PRKDC: variants seen among roughly 807,000 people sequenced by gnomAD.
PRKDC encodes DNA-dependent protein kinase catalytic subunit.
In PRKDC, 82 loss-of-function variants were observed where a neutral mutation model predicts 486.9. That is an observed-to-expected ratio of 0.17 (90% CI 0.14 to 0.20). The LOEUF (loss-of-function observed/expected upper bound fraction) is 0.20. Among genes scored for constraint, PRKDC ranks in the 10% least tolerant of loss-of-function variants. PRKDC has a pLI of 1.00. For missense variants in PRKDC, 4,504 were observed against 5,038.2 expected, an observed-to-expected ratio of 0.89 and a Z score of 3.21; for synonymous variants, 1,895 against 1,837.0, an observed-to-expected ratio of 1.03 and a Z score of -0.81.
At chr8:47,887,409 G>T in intron 35 of PRKDC, 138 bp downstream of exon 35, 1 of 659,628 alleles carries the variant, frequency 1.5e-6, no homozygotes, top group Non-Finnish European at 2.2e-6. Flanking sequence ...CTTTTAGAAA[G>T]TTGGCTCATG....
In PRKDC at chr8:47,778,634, C is replaced by T. The variant is rs917274245; in HGVS notation, c.11678G>A (p.Ser3893Asn). 4 of 1,613,582 alleles carry T rather than the reference C, an allele frequency of 2.5e-6. No individual in the cohort carries two copies. In the Admixed American group the frequency reaches 6.7e-5, roughly 27 times the overall value. Reference protein sequence around the residue: ...LKRAFVRMSTSPEAFLALRSH... With the variant: ...LKRAFVRMSTNPEAFLALRSH... ...GCGGAGCGCCAGGAAAGCCTCAGGGCTTGTACTCATCCTCACGAAGGCCCG... is the reference window on the plus strand; with the variant it reads ...GCGGAGCGCCAGGAAAGCCTCAGGGTTTGTACTCATCCTCACGAAGGCCCG... Residue 3893 changes from serine (S) to asparagine (N), a missense_variant, in exon 83 of 86, where the codon AGC becomes AAC. Physicochemically the swap from Ser to Asn is conservative, Grantham distance 46. This residue lies in a region of PRKDC where 706 missense variants were observed against 945.0 expected (regional missense o/e 0.75). Transcript: ENST00000314191.
At chr8:47,944,066 T>C (rs1447124940) in intron 7 of PRKDC, 37 bp from the exon 8 acceptor site, 1 of 1,493,862 alleles carries the variant, frequency 6.7e-7, no homozygotes, top group Non-Finnish European at 9.1e-7. Context: ...CAAATCGTAA[T>C]AACAGTATCA....
chr8:47,933,827 ATTT>A, intron 15 of PRKDC, 135 bp downstream of exon 15: 1 of 936,654 alleles, frequency 1.1e-6, no homozygotes, highest in Non-Finnish European at 1.5e-6. Flanking sequence ...TACGGTTTTA[ATTT>A]TTTATTTTTG....
At chr8:47,912,323 A>T in intron 25 of PRKDC, 87 bp downstream of exon 25, 1 of 1,359,718 alleles carries the variant, frequency 7.4e-7, no homozygotes, top group Non-Finnish European at 9.7e-7. Flanking sequence ...AACCATCTCC[A>T]GGTAATTCCA....
Position 47,957,160 on chromosome 8 carries a change from T to C in PRKDC, c.324+11A>G. ...TATATAATGTAATAAGGTATGTTTT[T>C]TAATTCTTACCTTAATTTCAACAGA... On this transcript the variant is annotated intron_variant, in intron 3 of 85. Transcript: ENST00000314191. 1 of 1,524,934 alleles carries C rather than the reference T, an allele frequency of 6.6e-7. No homozygotes were observed. Among genetic ancestry groups the C allele is most frequent in the Non-Finnish European group, 9.0e-7 (1 of 1,106,970 alleles). 94.5% of individuals were successfully genotyped at this position (1,524,934 alleles called of 1,614,324 possible).
intron 62 of PRKDC, 44 bp from the exon 63 acceptor site, chr8:47,826,905 T>TG (rs2087751296): frequency 6.6e-7 from 1 of 1,506,704 alleles, no homozygotes; most frequent in African/African-American, 1.4e-5. Context: ...TTGTGGTACT[T>TG]GGACCATGTC....
chr8:47,894,748 A>G (rs1333903953), intron 30 of PRKDC, among the ~76,000 whole-genome samples: 1 of 152,190 alleles, frequency 6.6e-6, no homozygotes, highest in Non-Finnish European at 1.5e-5. Flanking sequence ...CAGTGAGCTA[A>G]AGAGACACCT....
rs2090282561 is a variant in PRKDC, at chr8:47,932,996, TTAC to T, written c.1776+21_1776+23del. The T allele has an allele frequency of 3.2e-6, 5 of 1,553,622 alleles. No individual in the cohort carries two copies. In the South Asian group the frequency reaches 3.7e-5, roughly 12 times the overall value. ...CAGCTGATACAAAAATGATGAAAAA[TTAC>T]TACTGATAAAAATTTCTAACCTCTT... On this transcript the variant is annotated intron_variant, in intron 16 of 85. Transcript: ENST00000314191.
intron 67 of PRKDC, 64 bp from the exon 68 acceptor site, chr8:47,817,625 C>A: frequency 9.6e-7 from 1 of 1,038,908 alleles, no homozygotes; most frequent in Non-Finnish European, 1.4e-6. Context: ...TGACAAAGGT[C>A]ATTATCAGTA....
intron 40 of PRKDC, among the ~76,000 whole-genome samples, chr8:47,865,704 G>A (rs1199383723): frequency 6.6e-6 from 1 of 151,860 alleles, no homozygotes; most frequent in East Asian, 1.9e-4. Flanking sequence ...AAGACTATAG[G>A]ACACTACTAG....
At chr8:47,956,719 T>C (rs1394614311) in intron 3 of PRKDC, among the ~76,000 whole-genome samples, 2 of 150,578 alleles carry the variant, frequency 1.3e-5, no homozygotes, top group Admixed American at 6.6e-5. Context: ...TAAAAACAAA[T>C]AAACAATAAA....
chr8:47,824,663 T>C (rs10504062), intron 63 of PRKDC, among the ~76,000 whole-genome samples: 2,931 of 152,270 alleles, frequency 0.019, 98 homozygotes, highest in African/African-American at 0.067. Context: ...TGATGCCATG[T>C]TTAATCCATG....
chr8:47,943,251 C>T lies in PRKDC; in HGVS notation c.924G>A (p.Leu308=), dbSNP rs770392874. The T allele has an allele frequency of 5.6e-6, 9 of 1,612,870 alleles. No homozygotes were observed. The Admixed American group carries it at 1.3e-4, about 24-fold the overall frequency. ...CCAGGGCTGAAAGTGCAGCTTTTTT[C>T]AATTCTACATTTGTGTGGGCACACC... is the stretch of plus-strand genomic sequence containing the variant. The part of the protein sequence containing the change: ...LKWCAHTNVE[L]KKAALSALES... Residue 308 remains leucine, a synonymous_variant, in exon 10 of 86, where the codon TTG becomes TTA. Transcript: ENST00000314191.
chr8:47,815,393 C>G (rs2087422303), intron 68 of PRKDC, among the ~76,000 whole-genome samples: 2 of 152,178 alleles, frequency 1.3e-5, no homozygotes, highest in South Asian at 4.2e-4. Flanking sequence ...AAACACCTAC[C>G]CCTACCTCAC....
At chr8:47,854,531 G>A (rs1356473873) in intron 50 of PRKDC, among the ~76,000 whole-genome samples, 1 of 152,052 alleles carries the variant, frequency 6.6e-6, no homozygotes. Context: ...TAGTAGAGAC[G>A]GGGTTTCACT....
chr8:47,877,923 C>T (rs2089124056), intron 39 of PRKDC, 72 bp from the exon 40 acceptor site: 2 of 1,134,072 alleles, frequency 1.8e-6, no homozygotes, highest in Middle Eastern at 3.2e-4. Flanking sequence ...AAATTATATA[C>T]TAAAAATATA....
intron 7 of PRKDC, among the ~76,000 whole-genome samples, chr8:47,945,859 T>C (rs1362332361): frequency 3.3e-5 from 5 of 152,082 alleles, no homozygotes; most frequent in Non-Finnish European, 5.9e-5. Context: ...GTAGCTGGGA[T>C]TACAGGCGCC....
intron 76 of PRKDC, among the ~76,000 whole-genome samples, chr8:47,787,148 A>G (rs2086805126): frequency 6.6e-6 from 1 of 152,230 alleles, no homozygotes; most frequent in African/African-American, 2.4e-5. Flanking sequence ...TCAAATAAAA[A>G]ATAAATCTCA....
At chr8:47,777,115 C>T (rs1167250375) in intron 84 of PRKDC, 132 bp from the exon 85 acceptor site, 2 of 1,147,678 alleles carry the variant, frequency 1.7e-6, no homozygotes, top group African/African-American at 3.1e-5. Flanking sequence ...CTTTCTACAG[C>T]TACAAAGCTG....
Sources: allele counts gnomAD v4.1 joint callset (sites outside exome capture counted in the v4.1 genomes callset), GRCh38; gene constraint gnomAD v4.1.1; regional missense constraint gnomAD v4.1.1; transcripts MANE v1.5; gene names NCBI Gene and HGNC (gene_info 2026-07-23, HGNC 2026-07-21).